Variants in PDSS2 observed in about 807,000 individuals in gnomAD.
The protein encoded by PDSS2 is decaprenyl diphosphate synthase subunit 2, also known as all trans-polyprenyl-diphosphate synthase PDSS2.
A neutral mutation model predicts 44.5 loss-of-function variants in PDSS2; 31 were observed. The ratio of observed to expected loss-of-function variants is 0.70; its 90% CI spans 0.52 to 0.94. The LOEUF is 0.94. Among genes scored for constraint, PDSS2 ranks in the 40% least tolerant of loss-of-function variants. The pLI is 0.00. For missense variants in PDSS2, 452 were observed against 482.2 expected (o/e 0.94, Z 0.59); for synonymous variants, 157 against 180.3 (o/e 0.87, Z 1.03).
At chr6:107,397,853 A>T (rs2114569779) in intron 1 of PDSS2, among the ~76,000 whole-genome samples, 1 of 152,324 alleles carries the variant, frequency 6.6e-6, no homozygotes, top group South Asian at 2.1e-4. Flanking sequence ...ATCAGTGGTG[A>T]TACTAATAAA....
intron 2 of PDSS2, among the ~76,000 whole-genome samples, chr6:107,332,031 T>C (rs998242406): frequency 2.6e-5 from 4 of 152,156 alleles, no homozygotes; most frequent in African/African-American, 9.7e-5. Flanking sequence ...GTACTCACTC[T>C]AAATTTTTAT....
intron 1 of PDSS2, among the ~76,000 whole-genome samples, chr6:107,407,900 C>G (rs1780372443): frequency 6.6e-6 from 1 of 152,038 alleles, no homozygotes; most frequent in African/African-American, 2.4e-5. Context: ...GGCTATTACC[C>G]ATGTTGGCCA....
chr6:107,320,557 T>C (rs1777349031), intron 2 of PDSS2, among the ~76,000 whole-genome samples: 1 of 152,152 alleles, frequency 6.6e-6, no homozygotes, highest in Non-Finnish European at 1.5e-5. Flanking sequence ...ACAAGTCTAT[T>C]TTAAAAAAAG....
chr6:107,290,868 T>C (rs1006482987), intron 2 of PDSS2, among the ~76,000 whole-genome samples: 8 of 152,182 alleles, frequency 5.3e-5, no homozygotes, highest in Admixed American at 2.6e-4. Flanking sequence ...ACTAGCTTTT[T>C]TCCCCCCACT....
At chr6:107,276,124 G>GAAAAAAA (rs1775774129) in intron 2 of PDSS2, among the ~76,000 whole-genome samples, 1 of 12,688 alleles carries the variant, frequency 7.9e-5, no homozygotes. Flanking sequence ...CAAAAAAAAG[G>GAAAAAAA]AAAGAAAAGA....
chr6:107,409,401 T>C (rs1353379100), intron 1 of PDSS2, among the ~76,000 whole-genome samples: 2 of 152,164 alleles, frequency 1.3e-5, no homozygotes, highest in Non-Finnish European at 2.9e-5. Context: ...TTTTTTTTAA[T>C]TAGGGAAATA....
chr6:107,430,517 A>G (rs1781162163), intron 1 of PDSS2, among the ~76,000 whole-genome samples: 1 of 150,918 alleles, frequency 6.6e-6, no homozygotes, highest in South Asian at 2.1e-4. Context: ...ATAAAAATAA[A>G]ATTTAAAAAG....
intron 7 of PDSS2, among the ~76,000 whole-genome samples, chr6:107,185,123 TAAAAAAAAAAA>T (rs11317647): frequency 2.3e-5 from 2 of 88,790 alleles, no homozygotes; most frequent in South Asian, 3.9e-4. Flanking sequence ...ACCTTATATC[TAAAAAAAAAAA>T]AAAAAAAAAG....
chr6:107,313,639 C>T (rs1232441715), intron 2 of PDSS2, among the ~76,000 whole-genome samples: 2 of 152,152 alleles, frequency 1.3e-5, no homozygotes, highest in Non-Finnish European at 1.5e-5. Flanking sequence ...CAGGCATGAG[C>T]CACCACGCCC....
chr6:107,260,005 C>T (rs1196991750), intron 3 of PDSS2, among the ~76,000 whole-genome samples: 3 of 152,122 alleles, frequency 2.0e-5, no homozygotes, highest in Non-Finnish European at 4.4e-5. Context: ...GAAAATGGTC[C>T]CAGAACAATG....
At chr6:107,307,359 C>G (rs908397220) in intron 2 of PDSS2, among the ~76,000 whole-genome samples, 1 of 152,086 alleles carries the variant, frequency 6.6e-6, no homozygotes, top group African/African-American at 2.4e-5. Flanking sequence ...AATACATGAA[C>G]TTTTTCACAA....
chr6:107,316,664 AT>A (rs1763464775), intron 2 of PDSS2, among the ~76,000 whole-genome samples: 1 of 152,148 alleles, frequency 6.6e-6, no homozygotes, highest in African/African-American at 2.4e-5. Flanking sequence ...GGCCCTATAT[AT>A]CTACTCTGAT....
intron 3 of PDSS2, among the ~76,000 whole-genome samples, chr6:107,256,742 T>G (rs79647579): frequency 2.0e-5 from 3 of 152,032 alleles, no homozygotes; most frequent in Admixed American, 1.3e-4. Flanking sequence ...AGGTAGAAAT[T>G]TGGGGGCCGG....
intron 7 of PDSS2, among the ~76,000 whole-genome samples, chr6:107,160,517 T>A (rs535103122): frequency 1.8e-4 from 23 of 125,368 alleles, no homozygotes; most frequent in African/African-American, 4.2e-4. Context: ...CCAGCTAATT[T>A]AAATTTTTTT....
chr6:107,431,986 T>C (rs1027051826), intron 1 of PDSS2, among the ~76,000 whole-genome samples: 2 of 152,244 alleles, frequency 1.3e-5, no homozygotes, highest in Non-Finnish European at 2.9e-5. Flanking sequence ...TACAGCATCA[T>C]ACAGAACTGC....
rs567502122 is a variant in PDSS2 at position 107,169,617 on chromosome 6, A to T, written c.1042-14840T>A. ...TCCCCATCTTTGTGGTTTTATCTAC[A>T]TTTGGTCTTTGATGATGGTGATGTA... On this transcript the variant is annotated intron_variant, in intron 7 of 7. Coordinates refer to ENST00000369037, the MANE Select transcript of PDSS2 (RefSeq NM_020381.4). Among the ~76,000 whole-genome samples the T allele has an allele frequency of 4.3e-3, 649 of 151,868 alleles. 4 individuals are homozygous for T. The highest frequency in any genetic ancestry group is 0.015 in the African/African-American group (619 of 41,404).
In PDSS2 at chr6:107,212,871, G is replaced by T. The variant is rs117985999; in HGVS notation, c.703-589C>A. On this transcript the variant is annotated intron_variant, in intron 4 of 7. Transcript: ENST00000369037. ...AAAAAAAAAATAGCTAGGCAAGGGG[G>T]TGTGCCCCTGTAGTCCTGACTACTC... 4.9e-3 allele frequency among the ~76,000 whole-genome samples: 743 copies of T among 151,600 alleles called. 8 individuals carry two copies. Among genetic ancestry groups the T allele is most frequent in the East Asian group, 0.033 (166 of 5,080 alleles).
chr6:107,450,469 A>G (rs1437612449), intron 1 of PDSS2, among the ~76,000 whole-genome samples: 1 of 152,174 alleles, frequency 6.6e-6, no homozygotes, highest in Non-Finnish European at 1.5e-5. Context: ...AATCATCCCA[A>G]AATAAAGGAT....
chr6:107,428,137 C>T (rs1781063059), intron 1 of PDSS2, among the ~76,000 whole-genome samples: 1 of 152,192 alleles, frequency 6.6e-6, no homozygotes, highest in African/African-American at 2.4e-5. Flanking sequence ...TGCAGAGACT[C>T]ATAAGGAATT....
Sources: gnomAD v4.1 joint callset for allele counts (sites outside exome capture counted in the v4.1 genomes callset) on GRCh38, gnomAD v4.1.1 for gene constraint, MANE v1.5 for transcripts, NCBI Gene and HGNC (gene_info 2026-07-23, HGNC 2026-07-21) for gene names.